The following CACNA2D3 variants were observed in gnomAD, a reference collection of about 807,000 sequenced individuals.
CACNA2D3 encodes the protein calcium voltage-gated channel auxiliary subunit alpha2delta 3.
In CACNA2D3, 60 loss-of-function variants were observed where a neutral mutation model predicts 160.6. That is an observed-to-expected ratio of 0.37 (90% CI 0.30 to 0.46). CACNA2D3 has a LOEUF of 0.46. Ranked by LOEUF, CACNA2D3 falls within the 20% of genes least tolerant of loss-of-function variation. The pLI, the probability that CACNA2D3 is intolerant of heterozygous loss-of-function variation, is 1.00. For synonymous variants in CACNA2D3, 558 were observed against 492.9 expected (o/e 1.13, Z -1.75); for missense variants, 1,205 against 1,365.0 (o/e 0.88, Z 1.85).
chr3:54,128,178 T>C (rs1470901895), intron 2 of CACNA2D3, among the ~76,000 whole-genome samples: 1 of 152,196 alleles, frequency 6.6e-6, no homozygotes, highest in East Asian at 1.9e-4. Context: ...TAATTAATTC[T>C]AACACTACTG....
chr3:54,529,013 C>A (rs1316345609), intron 5 of CACNA2D3, among the ~76,000 whole-genome samples: 1 of 152,150 alleles, frequency 6.6e-6, no homozygotes, highest in Non-Finnish European at 1.5e-5. Flanking sequence ...CACCTTTAAC[C>A]CCCTACTGAC....
At position 54,827,549 on chromosome 3, in the gene CACNA2D3, G is replaced by A. The variant is rs115485444; in HGVS notation, c.1399-9610G>A. The stretch of plus-strand genomic sequence containing the variant: ...TTCAACTAAGCTGTGTTTTTTTTAA[G>A]TCCTTTTCTTTTATCACTGTGACAT... On this transcript the variant is annotated intron_variant, in intron 14 of 37. Transcript: ENST00000474759. 3.7e-3 allele frequency among the ~76,000 whole-genome samples: 561 copies of A among 152,188 alleles called. 4 individuals are homozygous for A. Among genetic ancestry groups the A allele is most frequent in the African/African-American group, 0.012 (491 of 41,526 alleles).
intron 3 of CACNA2D3, among the ~76,000 whole-genome samples, chr3:54,351,651 C>G (rs986379628): frequency 6.6e-6 from 1 of 152,218 alleles, no homozygotes; most frequent in African/African-American, 2.4e-5. Context: ...CCTCTTTAAA[C>G]TCACTGCACC....
chr3:54,475,747 G>A (rs1400555356), intron 4 of CACNA2D3, among the ~76,000 whole-genome samples: 1 of 151,188 alleles, frequency 6.6e-6, no homozygotes, highest in Admixed American at 6.6e-5. Context: ...GGTATACAAA[G>A]TGATGTTTTG....
chr3:54,350,986 G>GTTTTGTT (rs1698548788), intron 3 of CACNA2D3, among the ~76,000 whole-genome samples: 1 of 65,922 alleles, frequency 1.5e-5, no homozygotes, highest in Admixed American at 2.0e-4. Context: ...TTTTTTGTTT[G>GTTTTGTT]TTTTTTTTTT....
intron 2 of CACNA2D3, among the ~76,000 whole-genome samples, chr3:54,318,693 C>CTTTT (rs376114168): frequency 7.7e-6 from 1 of 129,770 alleles, no homozygotes; most frequent in South Asian, 2.6e-4. Context: ...AGAGGAGTAT[C>CTTTT]TTTTTTTTTT....
intron 4 of CACNA2D3, among the ~76,000 whole-genome samples, chr3:54,452,380 G>T (rs570796258): frequency 6.6e-6 from 1 of 152,310 alleles, no homozygotes; most frequent in East Asian, 1.9e-4. Context: ...CTCTGCCCTT[G>T]ACACATGGAG....
intron 13 of CACNA2D3, among the ~76,000 whole-genome samples, chr3:54,794,466 CAT>C (rs1026544293): frequency 1.6e-4 from 24 of 152,144 alleles, no homozygotes; most frequent in African/African-American, 5.1e-4. Flanking sequence ...TAGTTACCCA[CAT>C]GTTTTTCATT....
intron 4 of CACNA2D3, among the ~76,000 whole-genome samples, chr3:54,433,718 TCA>T (rs1200616031): frequency 6.6e-6 from 1 of 152,166 alleles, no homozygotes; most frequent in Non-Finnish European, 1.5e-5. Flanking sequence ...TTGTTACTTC[TCA>T]CACATTATGA....
chr3:54,893,484 G>C (rs1419842443), intron 25 of CACNA2D3, among the ~76,000 whole-genome samples: 1 of 151,996 alleles, frequency 6.6e-6, no homozygotes, highest in Non-Finnish European at 1.5e-5. Flanking sequence ...GGTCTTACCT[G>C]CCTATCCCCT....
chr3:54,344,816 G>C (rs755099491), intron 3 of CACNA2D3, among the ~76,000 whole-genome samples: 1 of 152,070 alleles, frequency 6.6e-6, no homozygotes, highest in African/African-American at 2.4e-5. Context: ...ATTCCTAGAC[G>C]GCTAAGGCAT....
At chr3:54,242,340 G>C (rs1319512890) in intron 2 of CACNA2D3, among the ~76,000 whole-genome samples, 3 of 152,084 alleles carry the variant, frequency 2.0e-5, no homozygotes, top group Admixed American at 6.5e-5. Context: ...CTACTCGGGA[G>C]GCTGAGGCAG....
In CACNA2D3 at chr3:54,880,896, G is replaced by A. The variant is rs370419982; in HGVS notation, c.1912+33G>A. The A allele has an allele frequency of 6.8e-4, 1,080 of 1,595,654 alleles. 6 individuals are homozygous for A. The Middle Eastern group carries it at 9.0e-3, about 13-fold the overall frequency. On this transcript the variant is annotated intron_variant, in intron 21 of 37. Coordinates refer to ENST00000474759, the MANE Select transcript of CACNA2D3 (RefSeq NM_018398.3). Reference sequence around the variant, plus strand: ...ACTGCCTGGCTCGTCTTATCCTTTGGTGTGGGAGGAAAGCTCGGGAGCTAG... The same window carrying A: ...ACTGCCTGGCTCGTCTTATCCTTTGATGTGGGAGGAAAGCTCGGGAGCTAG...
chr3:54,265,510 TG>T, intron 2 of CACNA2D3, among the ~76,000 whole-genome samples: 1 of 151,720 alleles, frequency 6.6e-6, no homozygotes, highest in East Asian at 1.9e-4. Flanking sequence ...ATTCTGCACA[TG>T]TATCCCAGAA....
At chr3:54,401,934 C>G (rs765128222) in intron 4 of CACNA2D3, among the ~76,000 whole-genome samples, 1 of 151,936 alleles carries the variant, frequency 6.6e-6, no homozygotes, top group Admixed American at 6.5e-5. Flanking sequence ...ATGATAGCTA[C>G]CATTAATTAA....
chr3:54,156,240 A>G (rs1700240960), intron 2 of CACNA2D3, among the ~76,000 whole-genome samples: 1 of 152,238 alleles, frequency 6.6e-6, no homozygotes, highest in Non-Finnish European at 1.5e-5. Context: ...AAGGACATCC[A>G]TAAAGGGTGT....
intron 11 of CACNA2D3, among the ~76,000 whole-genome samples, chr3:54,697,834 T>C (rs1235108216): frequency 6.6e-6 from 1 of 152,218 alleles, no homozygotes; most frequent in Non-Finnish European, 1.5e-5. Context: ...CTTGGCTAAA[T>C]ATCTTGAAGA....
Position 54,974,126 on chromosome 3 carries a change from C to T in CACNA2D3, c.2556+4282C>T, listed in dbSNP as rs76681358. ...AAGCTCAGCCAGTCAGCCGGGACCTCCTGCTATGAACTATGTAACAACTTC... is the reference window on the plus strand; with the variant it reads ...AAGCTCAGCCAGTCAGCCGGGACCTTCTGCTATGAACTATGTAACAACTTC... On this transcript the variant is annotated intron_variant, in intron 29 of 37. Transcript: ENST00000474759. Among the ~76,000 whole-genome samples, 1,302 of 152,306 alleles carry T rather than the reference C, an allele frequency of 8.5e-3. 23 individuals are homozygous for T. The highest frequency in any genetic ancestry group is 0.03 in the African/African-American group (1,226 of 41,552).
intron 2 of CACNA2D3, among the ~76,000 whole-genome samples, chr3:54,134,284 C>T (rs756161347): frequency 1.3e-5 from 2 of 151,980 alleles, no homozygotes; most frequent in African/African-American, 2.4e-5. Flanking sequence ...TGGTGGTGAG[C>T]GGGGAGGGGT....
Sources: gnomAD v4.1 joint callset for allele counts (sites outside exome capture counted in the v4.1 genomes callset) on GRCh38, gnomAD v4.1.1 for gene constraint, MANE v1.5 for transcripts, NCBI Gene and HGNC (gene_info 2026-07-23, HGNC 2026-07-21) for gene names.